Variants in ANKRD11 observed in about 807,000 individuals in gnomAD.
The protein encoded by ANKRD11 is ankyrin repeat domain-containing protein 11.
A neutral mutation model predicts 195.7 loss-of-function variants in ANKRD11; 17 were observed. That is an observed-to-expected ratio of 0.09 (90% CI 0.06 to 0.13). The LOEUF (loss-of-function observed/expected upper bound fraction) is 0.13, where lower values mean the gene tolerates loss of function less well. Ranked by LOEUF, ANKRD11 falls within the 10% of genes least tolerant of loss-of-function variation. The pLI, the probability that ANKRD11 is intolerant of heterozygous loss-of-function variation, is 1.00. For synonymous variants in ANKRD11, 1,953 were observed against 1,528.1 expected (o/e 1.28, Z -6.49); for missense variants, 3,735 against 3,566.1 (o/e 1.05, Z -1.21).
chr16:89,474,371 C>G (rs1029033125), intron 1 of ANKRD11, among the ~76,000 whole-genome samples: 1 of 151,810 alleles, frequency 6.6e-6, no homozygotes. Context: ...AATCCCAGCA[C>G]TATGGGAGGC....
intron 1 of ANKRD11, among the ~76,000 whole-genome samples, chr16:89,424,928 C>T (rs2965938): frequency 0.56 from 85,106 of 151,882 alleles, 23,960 homozygotes; most frequent in Middle Eastern, 0.73. Flanking sequence ...TGAGTAAGAC[C>T]GGTCAGCGAT....
At chr16:89,478,820 G>A (rs187546924) in intron 1 of ANKRD11, among the ~76,000 whole-genome samples, 1 of 152,224 alleles carries the variant, frequency 6.6e-6, no homozygotes, top group African/African-American at 2.4e-5. Flanking sequence ...CACCTCCAAA[G>A]ACTGACACTG....
intron 2 of ANKRD11, among the ~76,000 whole-genome samples, chr16:89,334,644 C>A (rs141990915): frequency 1.3e-5 from 2 of 152,108 alleles, no homozygotes; most frequent in Non-Finnish European, 2.9e-5. Context: ...GTCTCAGCCA[C>A]GCTCCATGAG....
At chr16:89,315,637 G>T (rs1305125604) in intron 3 of ANKRD11, among the ~76,000 whole-genome samples, 1 of 152,236 alleles carries the variant, frequency 6.6e-6, no homozygotes, top group Non-Finnish European at 1.5e-5. Context: ...ACCCAGCCCT[G>T]CACACGGCAC....
chr16:89,484,337 C>A (rs1212057633), intron 1 of ANKRD11, among the ~76,000 whole-genome samples: 1 of 152,184 alleles, frequency 6.6e-6, no homozygotes, highest in Non-Finnish European at 1.5e-5. Context: ...GTCTTACCTT[C>A]TCTATTTTAG....
chr16:89,373,802 G>A (rs2040299182), intron 2 of ANKRD11, among the ~76,000 whole-genome samples: 1 of 152,250 alleles, frequency 6.6e-6, no homozygotes, highest in African/African-American at 2.4e-5. Context: ...ACACCTGACA[G>A]ACGCCTGTGT....
At chr16:89,483,941 A>G (rs1472643331) in intron 1 of ANKRD11, among the ~76,000 whole-genome samples, 1 of 152,246 alleles carries the variant, frequency 6.6e-6, no homozygotes, top group African/African-American at 2.4e-5. Context: ...TGTAATTTAA[A>G]TAAATTAGGA....
At chr16:89,487,792 T>C (rs1242142015) in intron 1 of ANKRD11, among the ~76,000 whole-genome samples, 1 of 151,866 alleles carries the variant, frequency 6.6e-6, no homozygotes, top group African/African-American at 2.4e-5. Flanking sequence ...TAAAATAAAA[T>C]AAAAAGGGGC....
At chr16:89,365,042 G>T (rs369887318) in intron 2 of ANKRD11, among the ~76,000 whole-genome samples, 1 of 152,270 alleles carries the variant, frequency 6.6e-6, no homozygotes, top group East Asian at 1.9e-4. Context: ...CTGTTTTATA[G>T]GTAACAAGTC....
Position 89,282,640 on chromosome 16 carries a change from C to T in ANKRD11, c.3902G>A (p.Ser1301Asn), listed in dbSNP as rs1360539324. Residue 1301 changes from serine (S) to asparagine (N), a missense_variant, in exon 9 of 13, where the codon AGC (serine) becomes AAC (asparagine). Ser to Asn is a conservative substitution (Grantham distance 46). Transcript: ENST00000301030. ...CGTGAAGCTGTCAGAGGAGACCTCG[C>T]TGATTTTATCGTTGGAGTCTTCTCT... ...EYREDSNDKI[S>N]EVSSDSFTDR... 1 of 1,614,148 alleles carries T rather than the reference C, an allele frequency of 6.2e-7. No homozygotes were observed. The highest frequency in any genetic ancestry group is 8.5e-7 in the Non-Finnish European group (1 of 1,180,032).
intron 7 of ANKRD11, 144 bp from the exon 8 acceptor site, chr16:89,286,330 C>T (rs573909387): frequency 4.8e-5 from 57 of 1,187,942 alleles, no homozygotes; most frequent in East Asian, 3.6e-4. Flanking sequence ...GGGAGCCGAG[C>T]GCCCAGGGAC....
intron 1 of ANKRD11, among the ~76,000 whole-genome samples, chr16:89,444,773 G>A (rs879894500): frequency 5.9e-5 from 9 of 151,962 alleles, no homozygotes; most frequent in Admixed American, 1.3e-4. Flanking sequence ...GCCAGATCCC[G>A]TCTCTGTTAT....
At chr16:89,489,192 A>T (rs898847811) in intron 1 of ANKRD11, 2 of 150,302 alleles carry the variant, frequency 1.3e-5, no homozygotes, top group Admixed American at 1.3e-4. Flanking sequence ...GACTGAATCA[A>T]TGTGGCAGGG....
At chr16:89,453,075 C>G (rs559928849) in intron 1 of ANKRD11, among the ~76,000 whole-genome samples, 1 of 152,168 alleles carries the variant, frequency 6.6e-6, no homozygotes, top group African/African-American at 2.4e-5. Flanking sequence ...TGTAAGCCAC[C>G]ACGCCCGGCT....
In ANKRD11 at chr16:89,416,460, G is replaced by A. The variant is rs575598947; in HGVS notation, c.-60+1824C>T. 4.6e-5 allele frequency among the ~76,000 whole-genome samples: 7 copies of A among 152,126 alleles called. No homozygotes were observed. The East Asian group carries it at 5.8e-4, about 13-fold the overall frequency. Reference sequence around the variant, plus strand: ...ATCACAGGCATTCGCCACCACGTCCGGTTAATATTTACATTTTTAATAGAG... The same window carrying A: ...ATCACAGGCATTCGCCACCACGTCCAGTTAATATTTACATTTTTAATAGAG... On this transcript the variant is annotated intron_variant, in intron 2 of 12. Coordinates refer to ENST00000301030, the MANE Select transcript of ANKRD11 (RefSeq NM_013275.6).
At chr16:89,278,824 G>A (rs2033899042) in intron 9 of ANKRD11, 2 of 681,620 alleles carry the variant, frequency 2.9e-6, no homozygotes, top group Non-Finnish European at 5.3e-6. Context: ...CAGGGTGAGG[G>A]GGAGGTCAGG....
chr16:89,470,661 T>C (rs934888955), intron 1 of ANKRD11, among the ~76,000 whole-genome samples: 9 of 151,646 alleles, frequency 5.9e-5, no homozygotes, highest in East Asian at 2.0e-4. Context: ...CTGGCTAACA[T>C]GGCGAAACCC....
chr16:89,386,524 C>T (rs2040918028), intron 2 of ANKRD11, among the ~76,000 whole-genome samples: 1 of 152,164 alleles, frequency 6.6e-6, no homozygotes, highest in South Asian at 2.1e-4. Flanking sequence ...GGAAAGGGGG[C>T]TCTTCTCTGG....
At chr16:89,448,950 T>C (rs1024038504) in intron 1 of ANKRD11, among the ~76,000 whole-genome samples, 3 of 152,204 alleles carry the variant, frequency 2.0e-5, no homozygotes, top group Admixed American at 6.5e-5. Context: ...CATATCACCA[T>C]TGTATTTAGT....
Sources: gnomAD v4.1 joint callset for allele counts (sites outside exome capture counted in the v4.1 genomes callset) on GRCh38, gnomAD v4.1.1 for gene constraint, MANE v1.5 for transcripts, NCBI Gene and HGNC (gene_info 2026-07-23, HGNC 2026-07-21) for gene names.